RGS13: variants seen among roughly 807,000 people sequenced by gnomAD.
The protein encoded by RGS13 is regulator of G protein signaling 13.
In RGS13, 14 loss-of-function variants were observed where a neutral mutation model predicts 19.9. The ratio of observed to expected loss-of-function variants is 0.70; its 90% CI spans 0.46 to 1.10. The LOEUF (loss-of-function observed/expected upper bound fraction) is 1.10, where lower values mean the gene tolerates loss of function less well. Among genes scored for constraint, RGS13 ranks in the 50% least tolerant of loss-of-function variants. The pLI, the probability that RGS13 is intolerant of heterozygous loss-of-function variation, is 0.00. For missense variants in RGS13, 205 were observed against 187.1 expected (o/e 1.10, Z -0.56); for synonymous variants, 60 against 56.8 (o/e 1.06, Z -0.25).
rs914427002 is a variant in RGS13, at chr1:192,644,820, C to T, written c.65+421C>T. The T allele has an allele frequency of 1.9e-5, 3 of 155,416 alleles. No homozygotes were observed. The Admixed American group carries it at 2.0e-4, about 10-fold the overall frequency. 9.6% of individuals were successfully genotyped at this position (155,416 alleles called of 1,614,324 possible). A position where few individuals can be genotyped will look rare whatever the true frequency, so the allele number is the denominator to read the frequency against. ...CCAAGCTCCCAAGTCTCTTCCTCCA[C>T]ACTTTTCTATAACTCAAAATGTTGC... On this transcript the variant is annotated intron_variant, in intron 4 of 6. Coordinates refer to ENST00000391995, the MANE Select transcript of RGS13 (RefSeq NM_002927.5).
intron 5 of RGS13, among the ~76,000 whole-genome samples, chr1:192,656,032 TAAAG>T (rs1344280947): frequency 6.6e-6 from 1 of 152,120 alleles, no homozygotes. Context: ...GGAAGAAAGT[TAAAG>T]AAGCCAGATA....
In RGS13 at chr1:192,644,409, A is replaced by G. The variant is rs748018074; in HGVS notation, c.65+10A>G. 3 of 1,591,714 alleles carry G rather than the reference A, an allele frequency of 1.9e-6. No homozygotes were observed. Among genetic ancestry groups the G allele is most frequent in the African/African-American group, 1.3e-5 (1 of 74,536 alleles). Reference sequence around the variant, plus strand: ...AGAGGCCCCCTTCAAAGTAAGTAGCATTTAAGTTTCTATGGTAATTGTAAA... The same window carrying G: ...AGAGGCCCCCTTCAAAGTAAGTAGCGTTTAAGTTTCTATGGTAATTGTAAA... On this transcript the variant is annotated intron_variant, in intron 4 of 6. Transcript: ENST00000391995.
At chr1:192,643,948 G>A (rs1355415011) in intron 3 of RGS13, among the ~76,000 whole-genome samples, 2 of 151,292 alleles carry the variant, frequency 1.3e-5, no homozygotes, top group Non-Finnish European at 3.0e-5. Context: ...GTGAGACCCT[G>A]TCTCAAAAAA....
At chr1:192,644,532 T>C in intron 4 of RGS13, 133 bp downstream of exon 4, 1 of 683,800 alleles carries the variant, frequency 1.5e-6, no homozygotes, top group Non-Finnish European at 2.6e-6. Context: ...CGTGAGTCAT[T>C]TCATCAGAAG....
At chr1:192,651,614 C>T (rs1663339419) in intron 5 of RGS13, among the ~76,000 whole-genome samples, 1 of 151,770 alleles carries the variant, frequency 6.6e-6, no homozygotes, top group South Asian at 2.1e-4. Context: ...TAGGAAGAAG[C>T]AAAAGTAGGA....
chr1:192,641,064 GTCTT>G (rs1216461925), intron 3 of RGS13, among the ~76,000 whole-genome samples: 1 of 150,300 alleles, frequency 6.7e-6, no homozygotes, highest in Non-Finnish European at 1.5e-5. Flanking sequence ...TCATTATTAC[GTCTT>G]TCTATCAACA....
At chr1:192,641,363 G>T (rs1449315709) in intron 3 of RGS13, among the ~76,000 whole-genome samples, 1 of 151,354 alleles carries the variant, frequency 6.6e-6, no homozygotes, top group Non-Finnish European at 1.5e-5. Flanking sequence ...GAGAGAGAGG[G>T]GAAAAGGGAG....
chr1:192,650,020 T>C (rs2102034739), intron 5 of RGS13, among the ~76,000 whole-genome samples: 1 of 152,160 alleles, frequency 6.6e-6, no homozygotes, highest in South Asian at 2.1e-4. Context: ...GAGCATGCAA[T>C]AAATGTTCCA....
intron 5 of RGS13, among the ~76,000 whole-genome samples, chr1:192,648,621 GA>G (rs2102033931): frequency 6.6e-6 from 1 of 151,866 alleles, no homozygotes; most frequent in South Asian, 2.1e-4. Context: ...GACAGGTACA[GA>G]AAAAAAATGT....
chr1:192,646,453 T>C (rs1156491937), intron 4 of RGS13: 1 of 152,186 alleles, frequency 6.6e-6, no homozygotes, highest in East Asian at 1.9e-4. Context: ...CACCATAAAC[T>C]GAATGGCAAT....
intron 3 of RGS13, among the ~76,000 whole-genome samples, chr1:192,643,023 C>T (rs1051705642): frequency 6.6e-6 from 1 of 151,934 alleles, no homozygotes; most frequent in East Asian, 1.9e-4. Flanking sequence ...ACATGACCAG[C>T]TAATTTTTTT....
intron 3 of RGS13, among the ~76,000 whole-genome samples, chr1:192,641,264 AAGAAAG>A (rs1558049268): frequency 1.8e-5 from 2 of 110,180 alleles, no homozygotes; most frequent in African/African-American, 5.6e-5. Context: ...AAAAGAAAGA[AAGAAAG>A]AAAGAAAGAA....
chr1:192,650,203 T>G (rs1437932005), intron 5 of RGS13, among the ~76,000 whole-genome samples: 1 of 152,084 alleles, frequency 6.6e-6, no homozygotes, highest in Admixed American at 6.6e-5. Flanking sequence ...AGAATTCTAG[T>G]GTCATGAGAA....
intron 3 of RGS13, among the ~76,000 whole-genome samples, chr1:192,640,142 C>T (rs946353795): frequency 6.6e-6 from 1 of 152,056 alleles, no homozygotes; most frequent in Admixed American, 6.6e-5. Context: ...ATAATATTCA[C>T]AGAGAAGACA....
intron 4 of RGS13, 196 bp downstream of exon 4, chr1:192,644,595 G>C (rs747973376): frequency 3.1e-5 from 16 of 508,296 alleles, no homozygotes; most frequent in Non-Finnish European, 5.3e-5. Context: ...GTTTACACTT[G>C]AGAATTCAGC....
At chr1:192,658,178 A>G in intron 5 of RGS13, 23 bp from the exon 6 acceptor site, 1 of 1,563,994 alleles carries the variant, frequency 6.4e-7, no homozygotes, top group Non-Finnish European at 8.7e-7. Context: ...ATGAAAATAA[A>G]CTGATTTCTC....
At chr1:192,649,161 G>C (rs766310703) in intron 5 of RGS13, among the ~76,000 whole-genome samples, 5 of 152,026 alleles carry the variant, frequency 3.3e-5, no homozygotes, top group Non-Finnish European at 7.4e-5. Context: ...TTCTTTCTTT[G>C]ATGCAATCGC....
At chr1:192,646,218 T>A (rs1299719306) in intron 4 of RGS13, 1 of 152,170 alleles carries the variant, frequency 6.6e-6, no homozygotes, top group African/African-American at 2.4e-5. Flanking sequence ...AAACAAAAGA[T>A]ATCTGACCTT....
chr1:192,639,901 G>C (rs540937707), intron 3 of RGS13, among the ~76,000 whole-genome samples: 1 of 152,086 alleles, frequency 6.6e-6, no homozygotes, highest in Non-Finnish European at 1.5e-5. Context: ...AGTGAGTGTT[G>C]CATACTAAGA....
Sources: allele counts gnomAD v4.1 joint callset (sites outside exome capture counted in the v4.1 genomes callset), GRCh38; gene constraint gnomAD v4.1.1; transcripts MANE v1.5; gene names NCBI Gene and HGNC (gene_info 2026-07-23, HGNC 2026-07-21).